DYNC2I1: variants seen among roughly 807,000 people sequenced by gnomAD.
DYNC2I1 encodes the protein cytoplasmic dynein 2 intermediate chain 1.
A neutral mutation model predicts 133.4 loss-of-function variants in DYNC2I1; 89 were observed. The ratio of observed to expected loss-of-function variants is 0.67; its 90% confidence interval spans 0.56 to 0.80. DYNC2I1 has a LOEUF of 0.80. DYNC2I1 is among the 30% of genes least tolerant of loss of function. The pLI, the probability that DYNC2I1 is intolerant of heterozygous loss-of-function variation, is 0.00. For synonymous variants in DYNC2I1, 504 were observed against 484.3 expected (o/e 1.04, Z -0.54); for missense variants, 1,291 against 1,314.5 (o/e 0.98, Z 0.28).
chr7:158,909,778 A>G (rs1847203627), intron 11 of DYNC2I1, among the ~76,000 whole-genome samples: 1 of 152,182 alleles, frequency 6.6e-6, no homozygotes, highest in Admixed American at 6.5e-5. Flanking sequence ...AGTGAAACAG[A>G]AAGATCTGAT....
At chr7:158,871,958 G>C (rs974698975) in intron 3 of DYNC2I1, among the ~76,000 whole-genome samples, 7 of 152,170 alleles carry the variant, frequency 4.6e-5, no homozygotes, top group African/African-American at 1.7e-4. Flanking sequence ...AGAGGTTCCT[G>C]TTCTCTCTGT....
At chr7:158,902,626 G>C (rs755300840) in intron 10 of DYNC2I1, 31 bp downstream of exon 10, 2 of 1,596,528 alleles carry the variant, frequency 1.3e-6, no homozygotes, top group Non-Finnish European at 1.7e-6. Context: ...AATGGTGTCC[G>C]TGCTCTTAGG....
In DYNC2I1 at chr7:158,871,411, G is replaced by A; in HGVS notation, c.339G>A (p.Lys113=). The A allele has an allele frequency of 2.6e-6, 4 of 1,551,656 alleles. No homozygotes were observed. Among genetic ancestry groups the A allele is most frequent in the Non-Finnish European group, 3.5e-6 (4 of 1,147,008 alleles). ...KLKEKHREAE[K]SHSRGKDREK... Reference sequence around the variant, plus strand: ...AGGAGAAACATCGAGAGGCAGAAAAGTCTCACAGCAGAGGAAAGGACAGGG... The same window carrying A: ...AGGAGAAACATCGAGAGGCAGAAAAATCTCACAGCAGAGGAAAGGACAGGG... The change falls in exon 3 of 25, where the codon AAG becomes AAA. Residue 113 remains lysine, a synonymous_variant. Coordinates refer to ENST00000407559, the MANE Select transcript of DYNC2I1 (RefSeq NM_018051.5).
rs1193565269 is a variant in DYNC2I1 at position 158,902,403 on chromosome 7, G to A, written c.1165G>A (p.Asp389Asn). 6.2e-7 allele frequency: 1 copy of A among 1,613,490 alleles called. No individual in the cohort carries two copies. The highest frequency in any genetic ancestry group is 1.7e-5 in the Admixed American group (1 of 60,014). The change falls in exon 10 of 25, where the codon GAT (aspartate) becomes AAT (asparagine). Residue 389 changes from aspartate to asparagine, a missense_variant. Asp to Asn is a conservative substitution (Grantham distance 23). Transcript: ENST00000407559. ...CTATGAAGATGACTTTGAGGTTTGTGATGGTGATGATGATGAAAGCAGTAA... is the reference window on the plus strand; with the variant it reads ...CTATGAAGATGACTTTGAGGTTTGTAATGGTGATGATGATGAAAGCAGTAA... The part of the protein sequence containing the change: ...EDYEDDFEVC[D>N]GDDDESSNEP...
At chr7:158,952,206 A>G (rs7800531) in intron 4 of DYNC2I1, among the ~76,000 whole-genome samples, 5,924 of 152,264 alleles carry the variant, frequency 0.039, 189 homozygotes, top group Non-Finnish European at 0.057. Flanking sequence ...CTAGAGTCAC[A>G]TGTTGTGGGG....
Position 158,934,136 on chromosome 7 carries a change from C to T in DYNC2I1, c.2554C>T (p.His852Tyr). ...ALIQLGDSLSHKGNEFWGTTQ... is the reference protein window; with the variant it reads ...ALIQLGDSLSYKGNEFWGTTQ... ...GTTACTTTATTTTTTCAGTCTTTCC[C>T]ATAAAGGTAATGAATTTTGGGGCAC... is the stretch of plus-strand genomic sequence containing the variant. The change falls in exon 22 of 25, where the codon CAT (histidine) becomes TAT (tyrosine). Residue 852 changes from histidine to tyrosine, a missense_variant. Physicochemically the swap from His to Tyr is moderately conservative, Grantham distance 83. Transcript: ENST00000407559. 1 of 1,608,120 alleles carries T rather than the reference C, an allele frequency of 6.2e-7. No individual in the cohort carries two copies. The highest frequency in any genetic ancestry group is 1.1e-5 in the South Asian group (1 of 89,402).
chr7:158,921,398 G>A (rs1283418060), intron 15 of DYNC2I1, among the ~76,000 whole-genome samples: 1 of 152,158 alleles, frequency 6.6e-6, no homozygotes, highest in African/African-American at 2.4e-5. Flanking sequence ...GCTGTAACAG[G>A]AGGTACACGT....
Position 158,879,978 on chromosome 7 carries a change from A to G in DYNC2I1, c.868A>G (p.Arg290Gly). ...EKSAKDEPRK[R>G]ESQNGEHRNR... ...ATCGGCAAAAGATGAGCCCAGGAAA[A>G]GGGAATCCCAGGTACCCCTTCTGAT... Residue 290 changes from arginine to glycine, a missense_variant, in exon 5 of 25, where the codon AGG (arginine) becomes GGG (glycine). By Grantham distance (125) the Arg-to-Gly change is moderately radical. Transcript: ENST00000407559. The G allele has an allele frequency of 6.3e-7, 1 of 1,593,580 alleles. No homozygotes were observed. The highest frequency in any genetic ancestry group is 8.5e-7 in the Non-Finnish European group (1 of 1,173,728).
chr7:158,956,119 A>G (rs1251125004), intron 4 of DYNC2I1, among the ~76,000 whole-genome samples: 1 of 152,228 alleles, frequency 6.6e-6, no homozygotes, highest in East Asian at 1.9e-4. Context: ...GAGCGTCTAG[A>G]CCGGGAGGCG....
At chr7:158,879,549 A>G (rs969632211) in intron 4 of DYNC2I1, 135 bp from the exon 5 acceptor site, 10 of 918,716 alleles carry the variant, frequency 1.1e-5, no homozygotes, top group African/African-American at 5.0e-5. Context: ...CATGTTTACT[A>G]CAGACACGAT....
intron 1 of DYNC2I1, chr7:158,869,547 C>G: frequency 4.0e-6 from 2 of 504,726 alleles, no homozygotes; most frequent in Admixed American, 4.6e-5. Context: ...TATTTTAAAC[C>G]CACAGAATAT....
chr7:158,856,619 G>A lies in DYNC2I1; in HGVS notation c.-117G>A. ...GGCCCTCTGCTGCTCCTGCTTGTCG[G>A]TTGCTAGGCGCTGGGACGCGCCTCC... On this transcript the variant is annotated 5_prime_UTR_variant, in exon 1 of 25. Transcript: ENST00000407559. 9.1e-7 allele frequency: 1 copy of A among 1,097,632 alleles called. No homozygotes were observed. Among genetic ancestry groups the A allele is most frequent in the Non-Finnish European group, 1.2e-6 (1 of 866,058 alleles). The allele number at this position is 1,097,632 out of a possible 1,614,324, so 68.0% of individuals were successfully genotyped here. A position where few individuals can be genotyped will look rare whatever the true frequency, so the allele number is the denominator to read the frequency against.
At chr7:158,917,567 C>T (rs1848582015) in intron 14 of DYNC2I1, among the ~76,000 whole-genome samples, 1 of 135,448 alleles carries the variant, frequency 7.4e-6, no homozygotes, top group Admixed American at 7.0e-5. Context: ...CTCCGCCTCT[C>T]GCTAAACACC....
In DYNC2I1 at chr7:158,923,665, C is replaced by G; in HGVS notation, c.2189C>G (p.Ser730Ter). Residue 730 changes from serine to a stop codon, truncating the protein, a stop_gained, in exon 17 of 25, where the codon TCA (serine) becomes TGA (stop). Coordinates refer to ENST00000407559, the MANE Select transcript of DYNC2I1 (RefSeq NM_018051.5). LOFTEE classifies it high-confidence loss of function. ...GTCGTCTGGGATTTGAGAGAAGACT[C>G]AAGGCTGCATTACTCTGTGACGCTG... ...SVVVWDLRED[S>*]RLHYSVTLSD... 1.2e-6 allele frequency: 2 copies of G among 1,613,994 alleles called. No homozygotes were observed. The highest frequency in any genetic ancestry group is 3.3e-4 in the Middle Eastern group (2 of 6,062).
At chr7:158,849,857 A>G in the DYNC2I1 span, among the ~76,000 whole-genome samples, 6 of 152,212 alleles carry the variant, frequency 3.9e-5, no homozygotes, top group African/African-American at 1.2e-4. Flanking sequence ...TGATTGGTCC[A>G]TGGGTGGCCA....
At chr7:158,879,404 G>A (rs1179992481) in intron 4 of DYNC2I1, among the ~76,000 whole-genome samples, 1 of 152,078 alleles carries the variant, frequency 6.6e-6, no homozygotes, top group African/African-American at 2.4e-5. Context: ...ATGGTGTAGT[G>A]TCTGCATATA....
intron 4 of DYNC2I1, among the ~76,000 whole-genome samples, chr7:158,953,288 C>T (rs1340199538): frequency 6.6e-6 from 1 of 151,534 alleles, no homozygotes; most frequent in Non-Finnish European, 1.5e-5. Flanking sequence ...AGCTGACCCA[C>T]ATGTGGCTGT....
chr7:158,949,120 C>T (rs1393453287), downstream of DYNC2I1, among the ~76,000 whole-genome samples: 1 of 152,114 alleles, frequency 6.6e-6, no homozygotes, highest in Non-Finnish European at 1.5e-5. Flanking sequence ...TGGGCGACAG[C>T]ACCACCGTCC....
intron 4 of DYNC2I1, among the ~76,000 whole-genome samples, chr7:158,878,030 A>G (rs1183714514): frequency 9.6e-4 from 109 of 113,954 alleles, no homozygotes; most frequent in Middle Eastern, 6.1e-3. Flanking sequence ...TGCCATGTGG[A>G]GGGGCCAGGA....
Sources: allele counts gnomAD v4.1 joint callset (sites outside exome capture counted in the v4.1 genomes callset), GRCh38; gene constraint gnomAD v4.1.1; transcripts MANE v1.5; gene names NCBI Gene and HGNC (gene_info 2026-07-23, HGNC 2026-07-21).